AFF2: variants seen among roughly 807,000 people sequenced by gnomAD.
AFF2 encodes the protein ALF transcription elongation factor 2.
AFF2 carries 14 observed loss-of-function variants against 76.9 expected under a neutral mutation model. The observed-to-expected ratio is 0.18, with a 90% CI of 0.12 to 0.28. The LOEUF (loss-of-function observed/expected upper bound fraction) is 0.28. Among genes scored for constraint, AFF2 ranks in the 10% least tolerant of loss-of-function variants. The pLI is 1.00. For missense variants in AFF2, 868 were observed against 1,001.1 expected (o/e 0.87, Z 1.79); for synonymous variants, 398 against 366.7 (o/e 1.09, Z -0.98).
intron 4 of AFF2, among the ~76,000 whole-genome samples, chrX:148,827,728 A>G (rs2070405313): frequency 1.8e-5 from 2 of 112,327 alleles, no homozygotes; most frequent in Admixed American, 9.4e-5. Flanking sequence ...TCTCATTCCA[A>G]TTATCAATAC....
At chrX:148,969,726 A>G (rs1004324445) in intron 15 of AFF2, among the ~76,000 whole-genome samples, 1 of 111,435 alleles carries the variant, frequency 9.0e-6, no homozygotes, top group African/African-American at 3.3e-5. Context: ...CCACGGATAC[A>G]GAGGGCTGAC....
At chrX:148,718,550 C>T (rs1337903719) in intron 3 of AFF2, among the ~76,000 whole-genome samples, 3 of 110,935 alleles carry the variant, frequency 2.7e-5, no homozygotes, top group African/African-American at 9.8e-5. Flanking sequence ...ACTGGGTCGC[C>T]GTGAAGTTCA....
chrX:148,554,003 G>A (rs1198531528), intron 1 of AFF2, among the ~76,000 whole-genome samples: 1 of 111,541 alleles, frequency 9.0e-6, no homozygotes, highest in Admixed American at 9.5e-5. Flanking sequence ...GATGCAAAGA[G>A]GAGGGTCTAA....
chrX:148,796,129 G>A lies in AFF2; in HGVS notation c.1042-13747G>A, dbSNP rs189885776. Among the ~76,000 whole-genome samples the A allele has an allele frequency of 4.3e-3, 469 of 108,791 alleles. 1 individual carries two copies. The highest frequency in any genetic ancestry group is 9.4e-3 in the Middle Eastern group (2 of 213). The allele number at this position is 108,791 out of a possible 115,157, so 94.5% of individuals were successfully genotyped here. ...AATAACACATCATAGTGTAGTATAT[G>A]TTGGTGAGTTTATTTATCTTGAGTT... On this transcript the variant is annotated intron_variant, in intron 3 of 20. Coordinates refer to ENST00000370460, the MANE Select transcript of AFF2 (RefSeq NM_002025.4).
In AFF2 at chrX:148,823,765, A is replaced by G. The variant is rs782110166; in HGVS notation, c.1086+13845A>G. 2.4e-4 allele frequency among the ~76,000 whole-genome samples: 27 copies of G among 111,929 alleles called. 1 individual carries two copies. The highest frequency in any genetic ancestry group is 4.9e-4 in the Non-Finnish European group (26 of 53,176). On this transcript the variant is annotated intron_variant, in intron 4 of 20. Coordinates refer to ENST00000370460, the MANE Select transcript of AFF2 (RefSeq NM_002025.4). ...TCTGGTTCTGAGCAGTGCCCCTACT[A>G]TATAAGACAGAACAAAAAATAAGTC... is the stretch of plus-strand genomic sequence containing the variant.
intron 1 of AFF2, among the ~76,000 whole-genome samples, chrX:148,602,318 G>A (rs140767867): frequency 2.5e-4 from 28 of 111,591 alleles, no homozygotes; most frequent in Non-Finnish European, 4.1e-4. Context: ...GCAGGCCATG[G>A]GAAAGAGTTA....
chrX:148,938,817 T>A (rs1557285294), intron 9 of AFF2, among the ~76,000 whole-genome samples: 1 of 112,078 alleles, frequency 8.9e-6, no homozygotes, highest in African/African-American at 3.2e-5. Context: ...TTAAAAACTT[T>A]TGAATATTTG....
chrX:148,911,967 C>G (rs2071474198), intron 9 of AFF2, among the ~76,000 whole-genome samples: 2 of 111,857 alleles, frequency 1.8e-5, no homozygotes, highest in African/African-American at 3.3e-5. Context: ...TTGACAATAG[C>G]AAATACATGG....
chrX:148,700,098 G>A (rs1403449093), intron 3 of AFF2, among the ~76,000 whole-genome samples: 1 of 111,428 alleles, frequency 9.0e-6, no homozygotes, highest in Admixed American at 9.6e-5. Flanking sequence ...TTTGGGTTGT[G>A]GAGACTGGTG....
chrX:148,851,906 C>A (rs1174376552), intron 7 of AFF2, among the ~76,000 whole-genome samples: 5 of 109,771 alleles, frequency 4.6e-5, no homozygotes, highest in Non-Finnish European at 9.5e-5. Context: ...ACCCCAGTAT[C>A]TGCTGCTTGA....
chrX:148,830,935 A>T (rs1473891450), intron 4 of AFF2, among the ~76,000 whole-genome samples: 1 of 106,855 alleles, frequency 9.4e-6, no homozygotes, highest in Non-Finnish European at 1.9e-5. Flanking sequence ...CTACAACTGT[A>T]AAAAAAAAAG....
At chrX:148,827,058 C>A (rs1278203621) in intron 4 of AFF2, among the ~76,000 whole-genome samples, 2 of 111,501 alleles carry the variant, frequency 1.8e-5, no homozygotes, top group East Asian at 5.6e-4. Flanking sequence ...CAAACCAGTT[C>A]TCTTTCCTGC....
chrX:148,839,565 G>A (rs900646021), intron 5 of AFF2, among the ~76,000 whole-genome samples: 22 of 111,391 alleles, frequency 2.0e-4, no homozygotes, highest in Non-Finnish European at 1.1e-4. Flanking sequence ...GGTGTTCCTG[G>A]CACCAGCGGT....
chrX:148,764,769 A>G (rs2069492505), intron 3 of AFF2, among the ~76,000 whole-genome samples: 1 of 112,448 alleles, frequency 8.9e-6, no homozygotes, highest in Non-Finnish European at 1.9e-5. Flanking sequence ...AGACTCTGTG[A>G]TACAATCCTG....
rs782024593 is a variant in AFF2, at chrX:148,893,300, G to A, written c.1359+7315G>A. ...ACTAGATTAATAAGAAACTGCTTAG[G>A]GCTTGTATGATGTGGTTTTTAATAT... On this transcript the variant is annotated intron_variant, in intron 8 of 20. Coordinates refer to ENST00000370460, the MANE Select transcript of AFF2 (RefSeq NM_002025.4). Among the ~76,000 whole-genome samples, 3 of 111,933 alleles carry A rather than the reference G, an allele frequency of 2.7e-5. No individual in the cohort carries two copies. The East Asian group carries it at 8.5e-4, about 32-fold the overall frequency.
In AFF2 at chrX:148,899,272, T is replaced by C. The variant is rs781944281; in HGVS notation, c.1360-4949T>C. Among the ~76,000 whole-genome samples the C allele has an allele frequency of 4.3e-4, 48 of 112,271 alleles. 1 individual carries two copies. Among genetic ancestry groups the C allele is most frequent in the South Asian group, 7.4e-4 (2 of 2,693 alleles). ...TTAAATGCTGTAATTAAGCGATTCATTTTTATATTTAAGCAAGTGCTGTCA... is the reference window on the plus strand; with the variant it reads ...TTAAATGCTGTAATTAAGCGATTCACTTTTATATTTAAGCAAGTGCTGTCA... On this transcript the variant is annotated intron_variant, in intron 8 of 20. Coordinates refer to ENST00000370460, the MANE Select transcript of AFF2 (RefSeq NM_002025.4).
rs200408639 is a variant in AFF2 at position 148,989,401 on chromosome X, CA to C, written c.3815-1809del. On this transcript the variant is annotated intron_variant, in intron 20 of 20. Transcript: ENST00000370460. ...TAGGGTGAAATGGTGTTAATCTTGT[CA>C]TTAGCACAGTGTGTCAAAGAGTTGC... 8.9e-3 allele frequency among the ~76,000 whole-genome samples: 1,002 copies of C among 112,380 alleles called. 10 individuals are homozygous for C. The highest frequency in any genetic ancestry group is 0.03 in the African/African-American group (939 of 30,945).
Position 148,956,484 on chromosome X carries a change from A to G in AFF2, c.2439A>G (p.Val813=). Residue 813 remains valine (V), a synonymous_variant, in exon 11 of 21, where the codon GTA becomes GTG. Transcript: ENST00000370460. ...VKIDLDLLSR[V]PGHSSLHAAP... ...TTGACCTTGACTTACTCTCTAGAGTACCTGGCCACAGCTCACTCCATGCAG... is the reference window on the plus strand; with the variant it reads ...TTGACCTTGACTTACTCTCTAGAGTGCCTGGCCACAGCTCACTCCATGCAG... 8.3e-7 allele frequency: 1 copy of G among 1,212,049 alleles called. No individual in the cohort carries two copies. The highest frequency in any genetic ancestry group is 1.1e-6 in the Non-Finnish European group (1 of 895,581).
At chrX:148,795,138 G>T (rs1569555668) in intron 3 of AFF2, among the ~76,000 whole-genome samples, 1 of 112,215 alleles carries the variant, frequency 8.9e-6, no homozygotes, top group Non-Finnish European at 1.9e-5. Flanking sequence ...TCCAAGGAAT[G>T]ATTTCTATTA....
Sources: gnomAD v4.1 joint callset for allele counts (sites outside exome capture counted in the v4.1 genomes callset) on GRCh38, gnomAD v4.1.1 for gene constraint, MANE v1.5 for transcripts, NCBI Gene and HGNC (gene_info 2026-07-23, HGNC 2026-07-21) for gene names.